Variants in PCDHGB3 observed in about 807,000 individuals in gnomAD.
PCDHGB3 encodes the protein protocadherin gamma subfamily B, 3, also known as protocadherin gamma-B3.
In PCDHGB3, 40 loss-of-function variants were observed where a neutral mutation model predicts 59.2. The ratio of observed to expected loss-of-function variants is 0.68; its 90% CI spans 0.52 to 0.88. PCDHGB3 has a LOEUF of 0.88. PCDHGB3 is among the 40% of genes least tolerant of loss of function. The pLI, the probability that PCDHGB3 is intolerant of heterozygous loss-of-function variation, is 0.00. For missense variants in PCDHGB3, 1,309 were observed against 1,187.9 expected (o/e 1.10, Z -1.50); for synonymous variants, 581 against 503.6 (o/e 1.15, Z -2.06).
intron 1 of PCDHGB3, chr5:141,387,776 A>G: frequency 6.9e-7 from 1 of 1,452,928 alleles, no homozygotes; most frequent in Non-Finnish European, 9.2e-7. Flanking sequence ...TTTTTCTTGA[A>G]CTGGAACTGC....
intron 1 of PCDHGB3, chr5:141,392,442 A>C (rs1355396676): frequency 1.2e-5 from 2 of 161,844 alleles, no homozygotes; most frequent in East Asian, 3.6e-4. Context: ...TGTTTCTTTT[A>C]AAATATGGGT....
rs1057108915 is a variant in PCDHGB3 at position 141,511,366 on chromosome 5, T to C, written c.*193T>C. The C allele has an allele frequency of 3.8e-6, 5 of 1,306,414 alleles. No individual in the cohort carries two copies. In the Admixed American group the frequency reaches 8.4e-5, roughly 22 times the overall value. The allele number at this position is 1,306,414 out of a possible 1,614,324, so 80.9% of individuals were successfully genotyped here. A position where few individuals can be genotyped will look rare whatever the true frequency, so the allele number is the denominator to read the frequency against. On this transcript the variant is annotated 3_prime_UTR_variant, in exon 4 of 4. Transcript: ENST00000576222. ...CCCTTCCCCCCCAGGGGGTTGAATA[T>C]GCAAAAGCAGTTCCGCTGGGAACCC...
chr5:141,475,921 A>T, intron 1 of PCDHGB3: 1 of 604,938 alleles, frequency 1.7e-6, no homozygotes, highest in Non-Finnish European at 2.8e-6. Flanking sequence ...AAGACGCTGG[A>T]GATCGGGCCC....
chr5:141,376,060 G>T lies in PCDHGB3; in HGVS notation c.2415+3251G>T, dbSNP rs375877156. Reference sequence around the variant, plus strand: ...AGCCCCCTCTCTCCGCCACTGTCACGCTCACCGTGGCCGTGGCCGACAGGA... The same window carrying T: ...AGCCCCCTCTCTCCGCCACTGTCACTCTCACCGTGGCCGTGGCCGACAGGA... On this transcript the variant is annotated intron_variant, in intron 1 of 3. Transcript: ENST00000576222. 3.7e-5 allele frequency: 60 copies of T among 1,613,348 alleles called. No homozygotes were observed. The African/African-American group carries it at 7.5e-4, about 20-fold the overall frequency.
intron 1 of PCDHGB3, chr5:141,399,478 G>T (rs367753385): frequency 2.0e-5 from 32 of 1,613,894 alleles, no homozygotes; most frequent in Non-Finnish European, 2.6e-5. Context: ...TTTCCACCAG[G>T]CGTCCTACTT....
chr5:141,408,575 G>A (rs1300122367), intron 1 of PCDHGB3: 4 of 1,613,918 alleles, frequency 2.5e-6, no homozygotes, highest in East Asian at 2.2e-5. Context: ...GGTGATTGAG[G>A]ATGTTAATGA....
intron 1 of PCDHGB3, among the ~76,000 whole-genome samples, chr5:141,448,316 T>C (rs1042171540): frequency 6.6e-6 from 1 of 152,174 alleles, no homozygotes; most frequent in Non-Finnish European, 1.5e-5. Flanking sequence ...AGGAATCTTT[T>C]CTTTGAATCT....
Position 141,393,514 on chromosome 5 carries a change from A to T in PCDHGB3, c.2415+20705A>T, listed in dbSNP as rs72492419. 17 of 1,613,912 alleles carry T rather than the reference A, an allele frequency of 1.1e-5. No individual in the cohort carries two copies. In the East Asian group the frequency reaches 3.8e-4, roughly 36 times the overall value. Reference sequence around the variant, plus strand: ...GTGCGCATCCACGTGACAGTGTTGGATACAAATGACAATGCCCCGGTTTTT... The same window carrying T: ...GTGCGCATCCACGTGACAGTGTTGGTTACAAATGACAATGCCCCGGTTTTT... On this transcript the variant is annotated intron_variant, in intron 1 of 3. Coordinates refer to ENST00000576222, the MANE Select transcript of PCDHGB3 (RefSeq NM_018924.5).
chr5:141,454,567 C>G (rs572130062), intron 1 of PCDHGB3, among the ~76,000 whole-genome samples: 1 of 150,856 alleles, frequency 6.6e-6, no homozygotes, highest in Non-Finnish European at 1.5e-5. Flanking sequence ...CCACCACGCC[C>G]GGCTAATTTT....
chr5:141,422,519 C>G, intron 1 of PCDHGB3: 1 of 1,613,968 alleles, frequency 6.2e-7, no homozygotes, highest in Non-Finnish European at 8.5e-7. Flanking sequence ...CAGGGAAGCC[C>G]GCCTTTGTCT....
At chr5:141,499,451 T>A (rs1378621877) in intron 2 of PCDHGB3, among the ~76,000 whole-genome samples, 3 of 152,130 alleles carry the variant, frequency 2.0e-5, no homozygotes, top group Non-Finnish European at 4.4e-5. Flanking sequence ...AAACCACCCA[T>A]CATTTTACAA....
chr5:141,428,091 T>A lies in PCDHGB3; in HGVS notation c.2415+55282T>A, dbSNP rs769710543. 1.1e-5 allele frequency: 17 copies of A among 1,609,000 alleles called. No homozygotes were observed. In the African/African-American group the frequency reaches 1.5e-4, roughly 14 times the overall value. On this transcript the variant is annotated intron_variant, in intron 1 of 3. Transcript: ENST00000576222. ...AGATTCGGGACACAACGCTTGGCTGTCCTACCACGTGCTGCAGGCCATCGA... is the reference window on the plus strand; with the variant it reads ...AGATTCGGGACACAACGCTTGGCTGACCTACCACGTGCTGCAGGCCATCGA...
At chr5:141,421,616 AC>A in intron 1 of PCDHGB3, 1 of 1,613,792 alleles carries the variant, frequency 6.2e-7, no homozygotes, top group Non-Finnish European at 8.5e-7. Context: ...ATTAATGATA[AC>A]GCCCCCAGCT....
intron 1 of PCDHGB3, among the ~76,000 whole-genome samples, chr5:141,382,367 C>A (rs778668401): frequency 2.6e-5 from 4 of 151,894 alleles, no homozygotes; most frequent in Non-Finnish European, 5.9e-5. Context: ...TAAAATTTAC[C>A]TTTTTGCCTT....
At chr5:141,423,049 C>T (rs1418805817) in intron 1 of PCDHGB3, 3 of 1,614,094 alleles carry the variant, frequency 1.9e-6, no homozygotes, top group East Asian at 2.2e-5. Flanking sequence ...GCTGTCCTAT[C>T]GCCTGCTTAA....
chr5:141,455,006 G>A (rs1194194759), intron 1 of PCDHGB3, among the ~76,000 whole-genome samples: 2 of 150,910 alleles, frequency 1.3e-5, no homozygotes, highest in Non-Finnish European at 3.0e-5. Flanking sequence ...TAGAGACGGG[G>A]TTTCACCGTG....
chr5:141,469,962 C>T (rs943032320), intron 1 of PCDHGB3, among the ~76,000 whole-genome samples: 8 of 152,134 alleles, frequency 5.3e-5, no homozygotes, highest in African/African-American at 1.9e-4. Flanking sequence ...GAAACCCCAT[C>T]TGTACCAAAA....
Position 141,375,230 on chromosome 5 carries a change from A to G in PCDHGB3, c.2415+2421A>G. ...AGACTCTGGCCTGAATGGCCTGGTA[A>G]CCTGTTCCATCCCGAGAAGTCTCCC... On this transcript the variant is annotated intron_variant, in intron 1 of 3. Coordinates refer to ENST00000576222, the MANE Select transcript of PCDHGB3 (RefSeq NM_018924.5). 2 of 1,613,988 alleles carry G rather than the reference A, an allele frequency of 1.2e-6. No individual in the cohort carries two copies. The highest frequency in any genetic ancestry group is 8.5e-7 in the Non-Finnish European group (1 of 1,179,900).
intron 1 of PCDHGB3, chr5:141,407,952 G>A (rs1235192174): frequency 2.7e-5 from 17 of 633,328 alleles, no homozygotes; most frequent in Admixed American, 1.4e-4. Context: ...CTGTCGGCCA[G>A]TGCAGAGCAA....
Sources: allele counts gnomAD v4.1 joint callset (sites outside exome capture counted in the v4.1 genomes callset), GRCh38; gene constraint gnomAD v4.1.1; transcripts MANE v1.5; gene names NCBI Gene and HGNC (gene_info 2026-07-23, HGNC 2026-07-21).